WWC2: variants seen among roughly 807,000 people sequenced by gnomAD.
WWC2 encodes WW and C2 domain containing 2, also known as protein WWC2.
A neutral mutation model predicts 138.5 loss-of-function variants in WWC2; 101 were observed. The observed-to-expected ratio is 0.73, with a 90% CI of 0.62 to 0.86. The LOEUF (loss-of-function observed/expected upper bound fraction) is 0.86. Ranked by LOEUF, WWC2 falls within the 40% of genes least tolerant of loss-of-function variation. WWC2 has a pLI of 0.00. For missense variants in WWC2, 1,420 were observed against 1,419.4 expected (o/e 1.00, Z -0.01); for synonymous variants, 558 against 538.4 (o/e 1.04, Z -0.50).
intron 1 of WWC2, among the ~76,000 whole-genome samples, chr4:183,102,785 C>G (rs561068420): frequency 6.6e-6 from 1 of 151,814 alleles, no homozygotes; most frequent in South Asian, 2.1e-4. Flanking sequence ...TTTACCCCCT[C>G]TTCTTTTGCT....
intron 21 of WWC2, among the ~76,000 whole-genome samples, chr4:183,301,599 A>G (rs1311976533): frequency 2.6e-5 from 4 of 152,228 alleles, no homozygotes; most frequent in Non-Finnish European, 5.9e-5. Flanking sequence ...TTGTTTCTTT[A>G]TAAGTATTTG....
chr4:183,259,845 C>A, intron 10 of WWC2, 117 bp downstream of exon 10: 1 of 766,930 alleles, frequency 1.3e-6, no homozygotes, highest in Non-Finnish European at 2.2e-6. Flanking sequence ...TATAGTAGCA[C>A]AGTTACTGTT....
rs943393963 is a variant in WWC2, at chr4:183,320,537, A to G, written c.*4808A>G. The G allele has an allele frequency of 3.1e-6, 1 of 324,504 alleles. No individual in the cohort carries two copies. The highest frequency in any genetic ancestry group is 2.1e-5 in the African/African-American group (1 of 47,206). 20.1% of individuals were successfully genotyped at this position (324,504 alleles called of 1,614,324 possible). A position where few individuals can be genotyped will look rare whatever the true frequency, so the allele number is the denominator to read the frequency against. On this transcript the variant is annotated 3_prime_UTR_variant, in exon 23 of 23. Coordinates refer to ENST00000403733, the MANE Select transcript of WWC2 (RefSeq NM_024949.6). ...ATCTCCTTTCATTGTCAAGGTTAAA[A>G]TGGCTTTCATGTTATTCCCAACCTT...
intron 5 of WWC2, 66 bp downstream of exon 5, chr4:183,240,328 T>C (rs949530131): frequency 4.7e-6 from 6 of 1,278,194 alleles, no homozygotes; most frequent in South Asian, 1.5e-5. Context: ...ACAAAGAAAA[T>C]AGAAGTACAG....
intron 1 of WWC2, among the ~76,000 whole-genome samples, chr4:183,117,512 T>C (rs1302894159): frequency 6.6e-6 from 1 of 151,968 alleles, no homozygotes; most frequent in South Asian, 2.1e-4. Context: ...TGAGCCACTG[T>C]GCCCGGCCAC....
At position 183,173,255 on chromosome 4, in the gene WWC2, T is replaced by C. The variant is rs1734344635; in HGVS notation, c.132-20344T>C. On this transcript the variant is annotated intron_variant, in intron 1 of 22. Coordinates refer to ENST00000403733, the MANE Select transcript of WWC2 (RefSeq NM_024949.6). ...TTTGTAGAGGTGGGGTCTTGTTATG[T>C]TGCCCAGGCTGGTCTCAAACTCTCA... 1.3e-5 allele frequency among the ~76,000 whole-genome samples: 2 copies of C among 152,152 alleles called. 1 individual carries two copies. Among genetic ancestry groups the C allele is most frequent in the South Asian group, 4.1e-4 (2 of 4,834 alleles).
chr4:183,261,491 T>C lies in WWC2; in HGVS notation c.1868T>C (p.Leu623Pro), dbSNP rs901758362. ...ASQSLSEDKD[L>P]NECAREPLYE... ...CAGTCTCTTTCAGAGGATAAAGACC[T>C]TAATGAATGTGCTAGGGAGCCATTA... The change falls in exon 11 of 23, where the codon CTT becomes CCT. Residue 623 changes from leucine (L) to proline (P), a missense_variant. Coordinates refer to ENST00000403733, the MANE Select transcript of WWC2 (RefSeq NM_024949.6). 1 of 1,612,888 alleles carries C rather than the reference T, an allele frequency of 6.2e-7. No individual in the cohort carries two copies.
intron 1 of WWC2, among the ~76,000 whole-genome samples, chr4:183,137,689 A>G (rs983699394): frequency 6.6e-6 from 1 of 152,038 alleles, no homozygotes; most frequent in East Asian, 1.9e-4. Context: ...TGTAAGGACA[A>G]GATTTTGCCA....
chr4:183,150,015 C>T (rs1733595616), intron 1 of WWC2, among the ~76,000 whole-genome samples: 1 of 152,104 alleles, frequency 6.6e-6, no homozygotes, highest in Admixed American at 6.5e-5. Context: ...TGGGGTTCTC[C>T]TGGGACCTCT....
chr4:183,122,655 G>T (rs1732637822), intron 1 of WWC2, among the ~76,000 whole-genome samples: 3 of 152,078 alleles, frequency 2.0e-5, no homozygotes, highest in African/African-American at 7.2e-5. Flanking sequence ...GAGTAGCTGG[G>T]ATTACAGGCA....
At chr4:183,206,393 T>G (rs530935208) in intron 2 of WWC2, among the ~76,000 whole-genome samples, 1 of 152,152 alleles carries the variant, frequency 6.6e-6, no homozygotes, top group Non-Finnish European at 1.5e-5. Context: ...TTTGCTGTTG[T>G]TGGGAGTGGG....
intron 9 of WWC2, among the ~76,000 whole-genome samples, chr4:183,255,171 C>T (rs747922630): frequency 1.3e-5 from 2 of 152,082 alleles, no homozygotes; most frequent in Non-Finnish European, 2.9e-5. Flanking sequence ...AATCTTCTGC[C>T]CTCTTAATAA....
intron 20 of WWC2, 66 bp from the exon 21 acceptor site, chr4:183,289,327 A>AGG: frequency 3.2e-6 from 5 of 1,552,714 alleles, no homozygotes; most frequent in Non-Finnish European, 4.4e-6. Context: ...GCCAGGAAGG[A>AGG]GGGGAAGTGG....
At chr4:183,262,791 CGTGT>C (rs775112873) in intron 11 of WWC2, among the ~76,000 whole-genome samples, 15 of 149,930 alleles carry the variant, frequency 1.0e-4, no homozygotes, top group African/African-American at 9.9e-5. Context: ...TGCGTGCGTG[CGTGT>C]GTGTGTGTGT....
intron 9 of WWC2, among the ~76,000 whole-genome samples, chr4:183,255,022 G>A (rs2111344756): frequency 6.6e-6 from 1 of 152,330 alleles, no homozygotes; most frequent in South Asian, 2.1e-4. Flanking sequence ...TTAGCATGGG[G>A]ACTCACCCAC....
In WWC2 at chr4:183,152,367, T is replaced by C. The variant is rs775067220; in HGVS notation, c.132-41232T>C. Among the ~76,000 whole-genome samples the C allele has an allele frequency of 9.1e-4, 139 of 151,982 alleles. 2 individuals carry two copies. Among genetic ancestry groups the C allele is most frequent in the Admixed American group, 1.2e-3 (19 of 15,248 alleles). On this transcript the variant is annotated intron_variant, in intron 1 of 22. Transcript: ENST00000403733. ...TAAAAAAATTAGCTTGGCATGTAGA[T>C]GTGTGCTTGTACTTCCAGCTACTTG...
At chr4:183,197,736 T>C (rs1245659737) in intron 2 of WWC2, among the ~76,000 whole-genome samples, 1 of 152,060 alleles carries the variant, frequency 6.6e-6, no homozygotes, top group Admixed American at 6.6e-5. Context: ...TGTACTGTAA[T>C]TTTTTTTCTT....
chr4:183,191,542 C>A (rs538639726), intron 1 of WWC2, among the ~76,000 whole-genome samples: 32 of 152,166 alleles, frequency 2.1e-4, no homozygotes, highest in African/African-American at 7.7e-4. Flanking sequence ...GAGTAAGTGG[C>A]AGAATAAAGA....
chr4:183,126,985 C>T (rs1180594902), intron 1 of WWC2, among the ~76,000 whole-genome samples: 2 of 151,568 alleles, frequency 1.3e-5, no homozygotes, highest in African/African-American at 4.9e-5. Context: ...AATCCACCCA[C>T]CTCAGCCTCC....
Sources: gnomAD v4.1 joint callset for allele counts (sites outside exome capture counted in the v4.1 genomes callset) on GRCh38, gnomAD v4.1.1 for gene constraint, MANE v1.5 for transcripts, NCBI Gene and HGNC (gene_info 2026-07-23, HGNC 2026-07-21) for gene names.